The following TLN2 variants were observed in gnomAD, a reference collection of about 807,000 sequenced individuals.
The protein encoded by TLN2 is talin 2.
TLN2 carries 118 observed loss-of-function variants against 294.7 expected under a neutral mutation model. The observed-to-expected ratio is 0.40, with a 90% CI of 0.34 to 0.47. TLN2 has a LOEUF of 0.47. TLN2 is among the 20% of genes least tolerant of loss of function. The pLI, the probability that TLN2 is intolerant of heterozygous loss-of-function variation, is 0.84. For synonymous variants in TLN2, 1,431 were observed against 1,304.5 expected (o/e 1.10, Z -2.09); for missense variants, 3,083 against 3,282.2 (o/e 0.94, Z 1.48).
chr15:62,535,638 C>G (rs1460165089), intron 1 of TLN2, among the ~76,000 whole-genome samples: 1 of 151,800 alleles, frequency 6.6e-6, no homozygotes, highest in African/African-American at 2.4e-5. Context: ...TCACTGCAAC[C>G]TCTGCCTCCC....
At chr15:62,459,892 T>A (rs1423877897) in intron 1 of TLN2, among the ~76,000 whole-genome samples, 1 of 152,120 alleles carries the variant, frequency 6.6e-6, no homozygotes, top group Non-Finnish European at 1.5e-5. Context: ...TCCCCCTACC[T>A]CAGAGAGGAT....
intron 1 of TLN2, among the ~76,000 whole-genome samples, chr15:62,431,383 C>T (rs929865282): frequency 6.6e-6 from 1 of 152,222 alleles, no homozygotes; most frequent in African/African-American, 2.4e-5. Context: ...GCCGAATGTT[C>T]TCTACATATT....
intron 42 of TLN2, among the ~76,000 whole-genome samples, chr15:62,775,913 C>T (rs1165090036): frequency 6.6e-6 from 1 of 152,210 alleles, no homozygotes; most frequent in East Asian, 1.9e-4. Flanking sequence ...CGCCTGCAGC[C>T]ATATCATCCC....
intron 27 of TLN2, among the ~76,000 whole-genome samples, chr15:62,726,808 TCTC>T (rs1318510888): frequency 6.6e-6 from 1 of 152,178 alleles, no homozygotes; most frequent in African/African-American, 2.4e-5. Context: ...GGTATTATGA[TCTC>T]CTCAGGAAAC....
chr15:62,698,726 G>T, intron 15 of TLN2, 28 bp from the exon 16 acceptor site: 1 of 1,589,868 alleles, frequency 6.3e-7, no homozygotes, highest in South Asian at 1.1e-5. Context: ...CGTGTGGGAT[G>T]ACAGCTTTGT....
At chr15:62,731,129 A>G (rs2060701130) in intron 28 of TLN2, among the ~76,000 whole-genome samples, 2 of 152,148 alleles carry the variant, frequency 1.3e-5, no homozygotes, top group African/African-American at 4.8e-5. Context: ...CAGTTTTAGA[A>G]TATCCATTTG....
In TLN2 at chr15:62,698,705, T is replaced by C. The variant is rs2058523106; in HGVS notation, c.1474-49T>C. 2.7e-6 allele frequency: 4 copies of C among 1,498,526 alleles called. No individual in the cohort carries two copies. The East Asian group carries it at 9.0e-5, about 34-fold the overall frequency. 92.8% of individuals were successfully genotyped at this position (1,498,526 alleles called of 1,614,324 possible). A position where few individuals can be genotyped will look rare whatever the true frequency, so the allele number is the denominator to read the frequency against. On this transcript the variant is annotated intron_variant, in intron 15 of 58. Coordinates refer to ENST00000636159, the MANE Select transcript of TLN2 (RefSeq NM_015059.3). ...GCTTTGTTTTGCATAAAGGGCCATG[T>C]CGGTCCCAGGCGTGTGGGATGACAG...
chr15:62,540,659 T>A (rs2041628411), intron 1 of TLN2, among the ~76,000 whole-genome samples: 1 of 151,376 alleles, frequency 6.6e-6, no homozygotes, highest in Non-Finnish European at 1.5e-5. Flanking sequence ...ATAGTGGGAG[T>A]TTTAGGAGTG....
intron 1 of TLN2, among the ~76,000 whole-genome samples, chr15:62,582,195 T>TACTCAC (rs1333205540): frequency 4.5e-5 from 3 of 66,474 alleles, no homozygotes; most frequent in African/African-American, 1.7e-4. Flanking sequence ...TGTGTATGCA[T>TACTCAC]ACACACACAC....
intron 1 of TLN2, among the ~76,000 whole-genome samples, chr15:62,490,537 A>G (rs2038651056): frequency 1.3e-5 from 2 of 152,044 alleles, no homozygotes; most frequent in Admixed American, 6.5e-5. Flanking sequence ...GCCTTAGGAA[A>G]ATACATTTGG....
chr15:62,473,628 A>G (rs1215411056), intron 1 of TLN2, among the ~76,000 whole-genome samples: 2 of 152,236 alleles, frequency 1.3e-5, no homozygotes, highest in Non-Finnish European at 2.9e-5. Context: ...TCCTACTGAA[A>G]ACTATTAAGT....
At position 62,691,027 on chromosome 15, in the gene TLN2, T is replaced by TAGGAGA. The variant is rs1567364934; in HGVS notation, c.1114-1813_1114-1812insAGGAGA. On this transcript the variant is annotated intron_variant, in intron 12 of 58. Transcript: ENST00000636159. ...TGGAAAGAGAGGGGGAGGGAGACCG[T>TAGGAGA]GGGAGAGGGAGAGGGAGAGGGGGAG... Among the ~76,000 whole-genome samples, 20 of 79,338 alleles carry TAGGAGA rather than the reference T, an allele frequency of 2.5e-4. No homozygotes were observed. The East Asian group carries it at 4.6e-3, about 18-fold the overall frequency. 52.0% of individuals were successfully genotyped at this position (79,338 alleles called of 152,430 possible).
In TLN2 at chr15:62,697,837, G is replaced by T; in HGVS notation, c.1442G>T (p.Gly481Val). The T allele has an allele frequency of 6.2e-7, 1 of 1,612,836 alleles. No individual in the cohort carries two copies. The highest frequency in any genetic ancestry group is 8.5e-7 in the Non-Finnish European group (1 of 1,179,844). Residue 481 changes from glycine to valine, a missense_variant, in exon 15 of 59, where the codon GGG (glycine) becomes GTG (valine). Physicochemically the swap from Gly to Val is moderately radical, Grantham distance 109 (BLOSUM62 -3). Transcript: ENST00000636159. ...TCGCCACAGCAGCAGGTCATGGTTG[G>T]GCAGATGCACCGAGGCCACATGCCG... ...MPSPQQQVMV[G>V]QMHRGHMPPL...
intron 1 of TLN2, among the ~76,000 whole-genome samples, chr15:62,532,780 G>T (rs1288897274): frequency 6.6e-6 from 1 of 152,140 alleles, no homozygotes; most frequent in African/African-American, 2.4e-5. Context: ...GTGACCTTGG[G>T]TAAGAATTCC....
At chr15:62,506,037 G>A (rs1567040160) in intron 1 of TLN2, among the ~76,000 whole-genome samples, 1 of 152,278 alleles carries the variant, frequency 6.6e-6, no homozygotes, top group South Asian at 2.1e-4. Context: ...TGTTCTAGAC[G>A]CGGGGAAAAC....
intron 1 of TLN2, among the ~76,000 whole-genome samples, chr15:62,406,642 G>A (rs913932916): frequency 5.9e-5 from 9 of 152,132 alleles, no homozygotes; most frequent in Admixed American, 5.9e-4. Flanking sequence ...GCATGGAAAG[G>A]GATGGTAACT....
rs1298733492 is a variant in TLN2, at chr15:62,462,055, T to C, written c.-238+71370T>C. Among the ~76,000 whole-genome samples the C allele has an allele frequency of 8.5e-5, 13 of 152,094 alleles. 1 individual carries two copies. Among genetic ancestry groups the C allele is most frequent in the African/African-American group, 2.9e-4 (12 of 41,412 alleles). ...GGCCGATATGGTGAAACCCCGTCTC[T>C]ACTAAAAATACAAAATACAAAATAC... On this transcript the variant is annotated intron_variant, in intron 1 of 58. Coordinates refer to ENST00000636159, the MANE Select transcript of TLN2 (RefSeq NM_015059.3).
intron 35 of TLN2, among the ~76,000 whole-genome samples, chr15:62,753,121 C>T (rs747653702): frequency 2.8e-4 from 43 of 152,142 alleles, no homozygotes; most frequent in Non-Finnish European, 4.0e-4. Context: ...TTTTATTTGG[C>T]TGACACATCT....
intron 19 of TLN2, among the ~76,000 whole-genome samples, chr15:62,703,603 ACACACACACACACACACACGCGCG>A (rs1223039334): frequency 1.2e-5 from 1 of 81,862 alleles, no homozygotes; most frequent in Non-Finnish European, 2.4e-5. Context: ...GTTTACTTCG[ACACACACACACACACACACGCGCG>A]CACACACACA....
Sources: gnomAD v4.1 joint callset for allele counts (sites outside exome capture counted in the v4.1 genomes callset) on GRCh38, gnomAD v4.1.1 for gene constraint, MANE v1.5 for transcripts, NCBI Gene and HGNC (gene_info 2026-07-23, HGNC 2026-07-21) for gene names.